Variants in TRAPPC9 observed in about 807,000 individuals in gnomAD.
TRAPPC9 encodes the protein trafficking protein particle complex subunit 9, also known as IKK2 binding protein.
TRAPPC9 carries 83 observed loss-of-function variants against 124.0 expected under a neutral mutation model. That is an observed-to-expected ratio of 0.67 (90% confidence interval 0.56 to 0.80). The LOEUF (loss-of-function observed/expected upper bound fraction) is 0.80, where lower values mean the gene tolerates loss of function less well. Among genes scored for constraint, TRAPPC9 ranks in the 30% least tolerant of loss-of-function variants. TRAPPC9 has a pLI of 0.00. For missense variants in TRAPPC9, 1,302 were observed against 1,508.3 expected (o/e 0.86, Z 2.27); for synonymous variants, 638 against 617.5 (o/e 1.03, Z -0.49).
chr8:140,193,953 G>A (rs897504443), intron 17 of TRAPPC9, among the ~76,000 whole-genome samples: 1 of 152,186 alleles, frequency 6.6e-6, no homozygotes, highest in Non-Finnish European at 1.5e-5. Context: ...CAACATTCTG[G>A]GAAAAGTCCA....
chr8:139,798,170 CTTTAA>C (rs1823235087), intron 21 of TRAPPC9, among the ~76,000 whole-genome samples: 1 of 152,094 alleles, frequency 6.6e-6, no homozygotes, highest in Non-Finnish European at 1.5e-5. Flanking sequence ...TTTAAAATGT[CTTTAA>C]TTTCTTTTAA....
intron 16 of TRAPPC9, among the ~76,000 whole-genome samples, chr8:140,232,803 G>T (rs571812169): frequency 6.6e-6 from 1 of 152,078 alleles, no homozygotes; most frequent in East Asian, 1.9e-4. Context: ...ATTAACATAC[G>T]TTATTTTAGG....
At chr8:139,836,354 C>T (rs1826347228) in intron 21 of TRAPPC9, among the ~76,000 whole-genome samples, 1 of 152,212 alleles carries the variant, frequency 6.6e-6, no homozygotes, top group Non-Finnish European at 1.5e-5. Flanking sequence ...ATCTCAGACC[C>T]CGGAGCGGGA....
chr8:140,137,563 G>T (rs529684500), intron 17 of TRAPPC9, among the ~76,000 whole-genome samples: 328 of 152,312 alleles, frequency 2.2e-3, no homozygotes, highest in African/African-American at 7.1e-3. Context: ...TCACTGTGAC[G>T]GTCGGGGTCA....
intron 17 of TRAPPC9, among the ~76,000 whole-genome samples, chr8:140,043,040 G>A (rs371969979): frequency 1.7e-4 from 26 of 152,230 alleles, no homozygotes; most frequent in African/African-American, 6.0e-4. Context: ...AGGGCCCACC[G>A]GTCCTGTCTC....
intron 18 of TRAPPC9, among the ~76,000 whole-genome samples, chr8:139,998,013 C>G (rs1319703918): frequency 6.6e-6 from 1 of 150,806 alleles, no homozygotes; most frequent in Non-Finnish European, 1.5e-5. Flanking sequence ...ATGCATCCTA[C>G]ACAGGGAGAC....
chr8:139,736,852 G>T (rs1205020477), intron 21 of TRAPPC9, among the ~76,000 whole-genome samples: 1 of 152,154 alleles, frequency 6.6e-6, no homozygotes, highest in East Asian at 1.9e-4. Context: ...AGTCCTGGGG[G>T]ATCAGAGGAA....
intron 17 of TRAPPC9, among the ~76,000 whole-genome samples, chr8:140,172,548 G>T (rs2061987387): frequency 6.6e-6 from 1 of 152,014 alleles, no homozygotes; most frequent in South Asian, 2.1e-4. Flanking sequence ...TGGACAGGGG[G>T]TTAAACTACC....
At chr8:140,418,655 A>G (rs1055332589) in intron 5 of TRAPPC9, among the ~76,000 whole-genome samples, 24 of 152,170 alleles carry the variant, frequency 1.6e-4, no homozygotes, top group Non-Finnish European at 3.4e-4. Flanking sequence ...TGGGAGGCAG[A>G]GGTTGCAGTG....
chr8:140,377,448 G>A (rs2068475447), intron 7 of TRAPPC9, among the ~76,000 whole-genome samples: 2 of 152,184 alleles, frequency 1.3e-5, no homozygotes, highest in East Asian at 1.9e-4. Context: ...ACAGGTGCCC[G>A]ACGCCACACC....
Position 140,275,834 on chromosome 8 carries a change from G to A in TRAPPC9, c.2115-13C>T. ...TGAATGTGCAGATCTAAAATAAGAA[G>A]AAGAAATTTAAAGAAGAAAGAAGGA... On this transcript the variant is annotated splice_polypyrimidine_tract_variant and intron_variant, in intron 14 of 22. Transcript: ENST00000438773. 6.2e-7 allele frequency: 1 copy of A among 1,605,978 alleles called. No individual in the cohort carries two copies. Among genetic ancestry groups the A allele is most frequent in the East Asian group, 2.2e-5 (1 of 44,812 alleles).
chr8:140,157,641 T>C (rs1010118312), intron 17 of TRAPPC9, among the ~76,000 whole-genome samples: 2 of 152,138 alleles, frequency 1.3e-5, no homozygotes, highest in Non-Finnish European at 2.9e-5. Context: ...CAGATACCAA[T>C]TCTGTGTTCG....
intron 9 of TRAPPC9, among the ~76,000 whole-genome samples, chr8:140,312,678 T>C (rs1280181969): frequency 1.3e-5 from 2 of 151,950 alleles, no homozygotes; most frequent in African/African-American, 4.8e-5. Context: ...AAGGGCTTCA[T>C]AGAGCTCAGG....
intron 21 of TRAPPC9, among the ~76,000 whole-genome samples, chr8:139,877,332 G>A (rs906874031): frequency 2.0e-5 from 3 of 152,196 alleles, no homozygotes; most frequent in Non-Finnish European, 4.4e-5. Context: ...CCTGGAAGAT[G>A]GTCCTCAAAA....
At chr8:139,993,391 T>C (rs763171021) in intron 18 of TRAPPC9, among the ~76,000 whole-genome samples, 8 of 152,216 alleles carry the variant, frequency 5.3e-5, no homozygotes, top group Admixed American at 3.3e-4. Flanking sequence ...ATTGGTAATA[T>C]TTTTAAAGCG....
chr8:140,076,826 A>G (rs1843537548), intron 17 of TRAPPC9, among the ~76,000 whole-genome samples: 1 of 152,254 alleles, frequency 6.6e-6, no homozygotes, highest in African/African-American at 2.4e-5. Context: ...TACATCTGAC[A>G]TAAACATAAA....
chr8:139,951,055 C>A (rs927507892), intron 19 of TRAPPC9, among the ~76,000 whole-genome samples: 3 of 152,192 alleles, frequency 2.0e-5, no homozygotes, highest in Non-Finnish European at 4.4e-5. Context: ...ATCCCCACCG[C>A]CACCTCCCCA....
intron 21 of TRAPPC9, among the ~76,000 whole-genome samples, chr8:139,801,487 T>C (rs748094179): frequency 3.9e-5 from 6 of 152,160 alleles, no homozygotes; most frequent in Admixed American, 6.5e-5. Flanking sequence ...CAAGGAGGCA[T>C]GGTGGCTGGA....
intron 22 of TRAPPC9, 140 bp from the exon 23 acceptor site, chr8:139,731,368 C>T: frequency 2.2e-6 from 2 of 930,220 alleles, no homozygotes. Context: ...AGTGCCCCCT[C>T]CAGCAGGTCA....
Sources: allele counts gnomAD v4.1 joint callset (sites outside exome capture counted in the v4.1 genomes callset), GRCh38; gene constraint gnomAD v4.1.1; transcripts MANE v1.5; gene names NCBI Gene and HGNC (gene_info 2026-07-23, HGNC 2026-07-21).